LTBP3: variants seen among roughly 807,000 people sequenced by gnomAD.
LTBP3 encodes the protein latent transforming growth factor beta binding protein 3.
Under a neutral mutation model 159.7 loss-of-function variants are expected in LTBP3, and 97 were observed. The observed-to-expected ratio is 0.61, with a 90% CI of 0.52 to 0.72. LTBP3 has a LOEUF of 0.72. Ranked by LOEUF, LTBP3 falls within the 30% of genes least tolerant of loss-of-function variation. LTBP3 has a pLI of 0.00. For missense variants in LTBP3, 1,584 were observed against 1,864.3 expected, an observed-to-expected ratio of 0.85 and a Z score of 2.77; for synonymous variants, 824 against 777.1, an observed-to-expected ratio of 1.06 and a Z score of -1.00.
At position 65,546,424 on chromosome 11, in the gene LTBP3, G is replaced by C. The variant is rs1418320622; in HGVS notation, c.2353+18C>G. On this transcript the variant is annotated intron_variant, in intron 16 of 27. Coordinates refer to ENST00000301873, the MANE Select transcript of LTBP3 (RefSeq NM_001130144.3). The surrounding 1 kb of genome is among the most constrained non-coding windows in gnomAD (Gnocchi z 4.0). Reference sequence around the variant, plus strand: ...GTAGGGGGCGGCGGAGGCCCGGGGCGGGGGTGCTGGCGCTCACCCAAGCAA... The same window carrying C: ...GTAGGGGGCGGCGGAGGCCCGGGGCCGGGGTGCTGGCGCTCACCCAAGCAA... The C allele has an allele frequency of 5.2e-6, 8 of 1,533,376 alleles. 1 individual carries two copies. The South Asian group carries it at 7.2e-5, about 14-fold the overall frequency. The allele number at this position is 1,533,376 out of a possible 1,614,324, so 95.0% of individuals were successfully genotyped here.
At chr11:65,541,078 C>T in intron 20 of LTBP3, 48 bp downstream of exon 20, 1 of 1,595,700 alleles carries the variant, frequency 6.3e-7, no homozygotes, top group Non-Finnish European at 8.5e-7. Flanking sequence ...ATTTGGCTTC[C>T]AGATGAAGAA....
rs1356316000 is a variant in LTBP3, at chr11:65,541,366, A to C, written c.2726-73T>G. 3.2e-6 allele frequency: 5 copies of C among 1,557,764 alleles called. No homozygotes were observed. In the African/African-American group the frequency reaches 4.1e-5, roughly 13 times the overall value. On this transcript the variant is annotated intron_variant, in intron 19 of 27. Transcript: ENST00000301873. The stretch of plus-strand genomic sequence containing the variant: ...CCTGTCCACCCTGCCCACCCACCAC[A>C]GGTCTTTCCCCCCACATTCCCTGGC...
chr11:65,539,221 C>G lies in LTBP3; in HGVS notation c.3771G>C (p.Glu1257Asp), dbSNP rs1223238351. The G allele has an allele frequency of 2.0e-6, 3 of 1,526,886 alleles. No individual in the cohort carries two copies. Among genetic ancestry groups the G allele is most frequent in the Non-Finnish European group, 2.6e-6 (3 of 1,133,188 alleles). 94.6% of individuals were successfully genotyped at this position (1,526,886 alleles called of 1,614,324 possible). The change falls in exon 28 of 28, where the codon GAG becomes GAC. Residue 1257 changes from glutamate to aspartate, a missense_variant. Coordinates refer to ENST00000301873, the MANE Select transcript of LTBP3 (RefSeq NM_001130144.3). Reference sequence around the variant, plus strand: ...GCCCGCGCTGGTTCAGCTCTCGGCACTCGTCGATATCTGAAGGTGAGGGCG... The same window carrying G: ...GCCCGCGCTGGTTCAGCTCTCGGCAGTCGTCGATATCTGAAGGTGAGGGCG... ...ASRARCVDID[E>D]CRELNQRGLL...
At chr11:65,541,418 G>T in intron 19 of LTBP3, 125 bp from the exon 20 acceptor site, 1 of 1,417,646 alleles carries the variant, frequency 7.1e-7, no homozygotes, top group Non-Finnish European at 9.8e-7. Flanking sequence ...CTGAGAGTTG[G>T]CTCTGTTCTC....
rs200080055 is a variant in LTBP3, at chr11:65,553,014, C to A, written c.1064-32G>T. ...TAAGTGGAAGTTTGGCCCCTCTGGT[C>A]TGGGGCCATGGGGTGACAGCAGGCT... On this transcript the variant is annotated intron_variant, in intron 5 of 27. Coordinates refer to ENST00000301873, the MANE Select transcript of LTBP3 (RefSeq NM_001130144.3). This position sits in a 1 kb window ranked among gnomAD's most constrained non-coding sequence, Gnocchi z 6.5. The A allele has an allele frequency of 1.4e-5, 22 of 1,613,814 alleles. No individual in the cohort carries two copies. The highest frequency in any genetic ancestry group is 1.9e-5 in the Non-Finnish European group (22 of 1,179,880).
chr11:65,551,874 G>T, intron 8 of LTBP3, 98 bp downstream of exon 8: 1 of 1,364,980 alleles, frequency 7.3e-7, no homozygotes, highest in South Asian at 1.2e-5. Context: ...ATAAGGAATT[G>T]GGGGTTAGAC....
chr11:65,540,235 C>G lies in LTBP3; in HGVS notation c.3244+10G>C, dbSNP rs758746622. On this transcript the variant is annotated intron_variant, in intron 23 of 27. Transcript: ENST00000301873. ...CTCCCGCGTACCCCACTCCCCGGCC[C>G]GGGCCTCACCCATCTCTTCCGGGCT... The G allele has an allele frequency of 1.9e-6, 3 of 1,549,182 alleles. No homozygotes were observed. Among genetic ancestry groups the G allele is most frequent in the Non-Finnish European group, 2.6e-6 (3 of 1,146,644 alleles).
intron 1 of LTBP3, among the ~76,000 whole-genome samples, chr11:65,556,790 C>G (rs1387821415): frequency 1.3e-5 from 2 of 152,144 alleles, no homozygotes; most frequent in Admixed American, 1.3e-4. Flanking sequence ...TTTGCTGGTG[C>G]CATCCTGGGC....
In LTBP3 at chr11:65,540,360, C is replaced by T. The variant is rs764396872; in HGVS notation, c.3129G>A (p.Glu1043=). 6.9e-6 allele frequency: 11 copies of T among 1,593,398 alleles called. No individual in the cohort carries two copies. In the Admixed American group the frequency reaches 9.0e-5, roughly 13 times the overall value. Residue 1043 remains glutamate, a synonymous_variant, in exon 23 of 28, where the codon GAG becomes GAA. Coordinates refer to ENST00000301873, the MANE Select transcript of LTBP3 (RefSeq NM_001130144.3). ...ECVDVDECLD[E]SNCRNGVCEN... ...CACACACTCCGTTCCGGCAGTTGGACTCGTCCAGGCACTCGTCCACGTCTG... is the reference window on the plus strand; with the variant it reads ...CACACACTCCGTTCCGGCAGTTGGATTCGTCCAGGCACTCGTCCACGTCTG...
Position 65,557,749 on chromosome 11 carries a change from A to G in LTBP3, c.211T>C (p.Cys71Arg). 4 of 1,605,436 alleles carry G rather than the reference A, an allele frequency of 2.5e-6. No individual in the cohort carries two copies. Among genetic ancestry groups the G allele is most frequent in the Non-Finnish European group, 2.5e-6 (3 of 1,179,792 alleles). Residue 71 changes from cysteine to arginine, a missense_variant, in exon 1 of 28, where the codon TGC (cysteine) becomes CGC (arginine). Cys to Arg is a radical substitution (Grantham distance 180). Coordinates refer to ENST00000301873, the MANE Select transcript of LTBP3 (RefSeq NM_001130144.3). ...TGGCCCTTGAGACAGGTCCGCTTGC[A>G]GATCACCGGCGCAAAGACCACCTTG... Reference protein sequence around the residue: ...RFKVVFAPVICKRTCLKGQCR... With the variant: ...RFKVVFAPVIRKRTCLKGQCR...
rs1248927990 is a variant in LTBP3, at chr11:65,540,271, CGCT to C, written c.3215_3217del (p.Gln1072del). 2.6e-6 allele frequency: 4 copies of C among 1,553,140 alleles called. No individual in the cohort carries two copies. Among genetic ancestry groups the C allele is most frequent in the Non-Finnish European group, 1.7e-6 (2 of 1,148,272 alleles). On this transcript the variant is annotated inframe_deletion, in exon 23 of 28. Transcript: ENST00000301873. ...CATCTCTTCCGGGCTCAGGCACTGG[CGCT>C]GCGCGGGACTGTACTCGGCAGGGGG...
Position 65,553,280 on chromosome 11 carries a change from A to AG in LTBP3, c.971-25dup. 1.3e-6 allele frequency: 2 copies of AG among 1,496,518 alleles called. No individual in the cohort carries two copies. The highest frequency in any genetic ancestry group is 1.8e-6 in the Non-Finnish European group (2 of 1,110,244). 92.7% of individuals were successfully genotyped at this position (1,496,518 alleles called of 1,614,324 possible). A position where few individuals can be genotyped will look rare whatever the true frequency, so the allele number is the denominator to read the frequency against. ...GTCTGCAGAGAGAGGATAGCTTGGCAGGGGAGGGTGAGGAGGGAACTGGGG... is the reference window on the plus strand; with the variant it reads ...GTCTGCAGAGAGAGGATAGCTTGGCAGGGGGAGGGTGAGGAGGGAACTGGGG... On this transcript the variant is annotated intron_variant, in intron 4 of 27. Transcript: ENST00000301873. This position sits in a 1 kb window ranked among gnomAD's most constrained non-coding sequence, Gnocchi z 6.5.
rs1856366338 is a variant in LTBP3 at position 65,546,330 on chromosome 11, C to T, written c.2353+112G>A. The T allele has an allele frequency of 2.3e-6, 3 of 1,301,296 alleles. No homozygotes were observed. Among genetic ancestry groups the T allele is most frequent in the East Asian group, 2.7e-5 (1 of 36,632 alleles). 80.6% of individuals were successfully genotyped at this position (1,301,296 alleles called of 1,614,324 possible). A position where few individuals can be genotyped will look rare whatever the true frequency, so the allele number is the denominator to read the frequency against. On this transcript the variant is annotated intron_variant, in intron 16 of 27. Transcript: ENST00000301873. This position sits in a 1 kb window ranked among gnomAD's most constrained non-coding sequence, Gnocchi z 4.0. The stretch of plus-strand genomic sequence containing the variant: ...TGAGAAAATGAGTGAGCAGAGTCAC[C>T]TGGGGATGAATGAGCCACCTTCCAC...
In LTBP3 at chr11:65,538,787, G is replaced by T. The variant is rs921065694; in HGVS notation, c.*293C>A. The T allele has an allele frequency of 7.4e-6, 6 of 814,266 alleles. No individual in the cohort carries two copies. Among genetic ancestry groups the T allele is most frequent in the South Asian group, 2.1e-5 (1 of 47,866 alleles). 50.4% of individuals were successfully genotyped at this position (814,266 alleles called of 1,614,324 possible). ...TGCGCAGCCCGCGCCCACGTCAGAC[G>T]TGAACATCAATTTGCTTCGAAAGCC... On this transcript the variant is annotated 3_prime_UTR_variant, in exon 28 of 28. Transcript: ENST00000301873.
In LTBP3 at chr11:65,546,596, C is replaced by A; in HGVS notation, c.2231-32G>T. 1 of 1,599,278 alleles carries A rather than the reference C, an allele frequency of 6.3e-7. No individual in the cohort carries two copies. The highest frequency in any genetic ancestry group is 8.5e-7 in the Non-Finnish European group (1 of 1,179,168). On this transcript the variant is annotated intron_variant, in intron 15 of 27. Coordinates refer to ENST00000301873, the MANE Select transcript of LTBP3 (RefSeq NM_001130144.3). This position sits in a 1 kb window ranked among gnomAD's most constrained non-coding sequence, Gnocchi z 4.0. ...CGGAAAGACCTAGCCTCGGACTCTG[C>A]CCCACCGGAAGGCGGACCGCGCACC...
In LTBP3 at chr11:65,539,152, G is replaced by T. The variant is rs1330894914; in HGVS notation, c.3840C>A (p.Phe1280Leu). Reference sequence around the variant, plus strand: ...CGAAGCCGGCTTTGCAGACGCAGCGGAAGGAGCCGCTGGTGTTCACGCAGC... The same window carrying T: ...CGAAGCCGGCTTTGCAGACGCAGCGTAAGGAGCCGCTGGTGTTCACGCAGC... ...SERCVNTSGS[F>L]RCVCKAGFAR... Residue 1280 changes from phenylalanine (F) to leucine (L), a missense_variant, in exon 28 of 28, where the codon TTC becomes TTA. Transcript: ENST00000301873. 1.1e-5 allele frequency: 17 copies of T among 1,496,936 alleles called. No homozygotes were observed. The highest frequency in any genetic ancestry group is 2.7e-6 in the Non-Finnish European group (3 of 1,118,846). The allele number at this position is 1,496,936 out of a possible 1,614,324, so 92.7% of individuals were successfully genotyped here. A position where few individuals can be genotyped will look rare whatever the true frequency, so the allele number is the denominator to read the frequency against.
chr11:65,558,102 C>T lies in LTBP3; in HGVS notation c.-143G>A. On this transcript the variant is annotated 5_prime_UTR_variant, in exon 1 of 28. Transcript: ENST00000301873. ...AGCGGGGGAAGCGGGCGGGAGGGGA[C>T]CGCGGGGGCCCGGCGGGAGGCGCGG... 9.3e-7 allele frequency: 1 copy of T among 1,077,004 alleles called. No homozygotes were observed. The highest frequency in any genetic ancestry group is 1.7e-5 in the African/African-American group (1 of 59,952). The allele number at this position is 1,077,004 out of a possible 1,614,324, so 66.7% of individuals were successfully genotyped here.
intron 21 of LTBP3, 93 bp from the exon 22 acceptor site, chr11:65,540,707 C>T: frequency 7.1e-7 from 1 of 1,406,072 alleles, no homozygotes; most frequent in South Asian, 1.2e-5. Context: ...CATCCCCGGG[C>T]GGGGCCTACA....
intron 25 of LTBP3, 24 bp downstream of exon 25, chr11:65,539,696 C>A: frequency 2.6e-6 from 4 of 1,566,458 alleles, no homozygotes; most frequent in Non-Finnish European, 3.4e-6. Flanking sequence ...TCGCTCCCGG[C>A]CAACTCCTCC....
Sources: gnomAD v4.1 joint callset for allele counts (sites outside exome capture counted in the v4.1 genomes callset) on GRCh38, gnomAD v4.1.1 for gene constraint, Gnocchi (gnomAD v3.1) non-coding constraint, MANE v1.5 for transcripts, NCBI Gene and HGNC (gene_info 2026-07-23, HGNC 2026-07-21) for gene names.